The following WWOX variants were observed in gnomAD, a reference collection of about 807,000 sequenced individuals.
The protein encoded by WWOX is WW domain containing oxidoreductase.
WWOX carries 69 observed loss-of-function variants against 46.2 expected under a neutral mutation model. The observed-to-expected ratio is 1.49, with a 90% CI of 1.23 to 1.82. The LOEUF is 1.82. WWOX is among the 40% of genes most tolerant of loss of function. The pLI is 0.00. For missense variants in WWOX, 919 were observed against 542.6 expected (o/e 1.69, Z -6.89); for synonymous variants, 359 against 202.6 (o/e 1.77, Z -6.56).
chr16:79,105,745 C>T (rs2049296024), intron 8 of WWOX, among the ~76,000 whole-genome samples: 1 of 151,928 alleles, frequency 6.6e-6, no homozygotes, highest in Non-Finnish European at 1.5e-5. Context: ...TCACTGCAAC[C>T]TCCATCTCCT....
intron 8 of WWOX, among the ~76,000 whole-genome samples, chr16:79,040,820 A>G (rs1437548700): frequency 1.3e-5 from 2 of 151,872 alleles, no homozygotes; most frequent in African/African-American, 4.8e-5. Flanking sequence ...CTCGGGGAGG[A>G]GCAAGGTTGT....
At chr16:78,194,911 C>T (rs2036000651) in intron 5 of WWOX, among the ~76,000 whole-genome samples, 1 of 152,184 alleles carries the variant, frequency 6.6e-6, no homozygotes, top group Non-Finnish European at 1.5e-5. Context: ...TGTCTCCCTC[C>T]AGTAGAATGT....
At chr16:78,623,525 C>G (rs990418252) in intron 8 of WWOX, among the ~76,000 whole-genome samples, 1 of 151,878 alleles carries the variant, frequency 6.6e-6, no homozygotes, top group African/African-American at 2.4e-5. Context: ...ACTAAAAATA[C>G]AAAAATCAGC....
At chr16:79,166,090 A>G (rs923890979) in intron 8 of WWOX, among the ~76,000 whole-genome samples, 3 of 152,234 alleles carry the variant, frequency 2.0e-5, no homozygotes, top group Non-Finnish European at 4.4e-5. Context: ...TTTACCTCCC[A>G]GCGTAGTCTT....
At chr16:78,365,604 T>C (rs539090194) in intron 5 of WWOX, among the ~76,000 whole-genome samples, 14 of 152,222 alleles carry the variant, frequency 9.2e-5, no homozygotes, top group African/African-American at 3.1e-4. Context: ...TGTAATTCTT[T>C]CCACATTATG....
chr16:78,601,300 C>A (rs2045616317), intron 8 of WWOX, among the ~76,000 whole-genome samples: 1 of 152,122 alleles, frequency 6.6e-6, no homozygotes, highest in Non-Finnish European at 1.5e-5. Flanking sequence ...AAGTTGCAAA[C>A]TCTGAATTCT....
At chr16:78,459,695 A>C (rs2083905736) in intron 8 of WWOX, among the ~76,000 whole-genome samples, 1 of 152,202 alleles carries the variant, frequency 6.6e-6, no homozygotes, top group South Asian at 2.1e-4. Flanking sequence ...TTCTGGTTTA[A>C]ATGCAGTTAA....
At chr16:78,748,908 G>A (rs942181190) in intron 8 of WWOX, among the ~76,000 whole-genome samples, 2 of 152,192 alleles carry the variant, frequency 1.3e-5, no homozygotes, top group Non-Finnish European at 2.9e-5. Context: ...CCTGACACAT[G>A]GTCTCTTATT....
At chr16:78,592,291 C>A (rs979962820) in intron 8 of WWOX, among the ~76,000 whole-genome samples, 1 of 152,166 alleles carries the variant, frequency 6.6e-6, no homozygotes, top group African/African-American at 2.4e-5. Flanking sequence ...ACATATGTGT[C>A]TTCTGCCAAG....
chr16:78,579,004 C>T (rs2044977993), intron 8 of WWOX, among the ~76,000 whole-genome samples: 1 of 152,286 alleles, frequency 6.6e-6, no homozygotes, highest in East Asian at 1.9e-4. Flanking sequence ...ATTAGTATTA[C>T]ATTATACATC....
chr16:79,021,053 A>T (rs1417364884), intron 8 of WWOX, among the ~76,000 whole-genome samples: 2 of 152,188 alleles, frequency 1.3e-5, no homozygotes, highest in East Asian at 3.9e-4. Flanking sequence ...TTTCAGGGAG[A>T]GCAAGAGATG....
intron 8 of WWOX, among the ~76,000 whole-genome samples, chr16:78,879,517 AT>A (rs1243233100): frequency 6.6e-6 from 1 of 151,970 alleles, no homozygotes; most frequent in Non-Finnish European, 1.5e-5. Context: ...AAAAAAAAAA[AT>A]TTGGCCTTTG....
intron 8 of WWOX, among the ~76,000 whole-genome samples, chr16:79,143,314 C>G (rs576980772): frequency 6.6e-6 from 1 of 152,304 alleles, no homozygotes; most frequent in African/African-American, 2.4e-5. Flanking sequence ...CTGTTACCGC[C>G]TAACACATTA....
chr16:78,581,079 T>A (rs758912925), intron 8 of WWOX, among the ~76,000 whole-genome samples: 6 of 152,202 alleles, frequency 3.9e-5, no homozygotes, highest in African/African-American at 9.6e-5. Flanking sequence ...TTTTTTAATC[T>A]AAGAGCTTTC....
Position 78,277,495 on chromosome 16 carries a change from G to A in WWOX, c.517-109365G>A, listed in dbSNP as rs530138156. Reference sequence around the variant, plus strand: ...CCGACATCACAGAATTCCTTGCCTGGGACAAATAGAGGGAATATTAACATA... The same window carrying A: ...CCGACATCACAGAATTCCTTGCCTGAGACAAATAGAGGGAATATTAACATA... On this transcript the variant is annotated intron_variant, in intron 5 of 8. Transcript: ENST00000566780. Among the ~76,000 whole-genome samples, 89 of 152,144 alleles carry A rather than the reference G, an allele frequency of 5.8e-4. No homozygotes were observed. The South Asian group carries it at 0.018, about 31-fold the overall frequency.
intron 5 of WWOX, among the ~76,000 whole-genome samples, chr16:78,321,427 TA>T (rs2080479808): frequency 7.0e-6 from 1 of 143,036 alleles, no homozygotes; most frequent in African/African-American, 2.6e-5. Context: ...TGTGTATATA[TA>T]TATATAAAAA....
chr16:79,149,599 C>G (rs375706232), intron 8 of WWOX, among the ~76,000 whole-genome samples: 4 of 152,214 alleles, frequency 2.6e-5, no homozygotes, highest in African/African-American at 9.7e-5. Context: ...CATCAGCCAC[C>G]AGGGAGCTCA....
chr16:78,464,544 G>T (rs544011889), intron 8 of WWOX, among the ~76,000 whole-genome samples: 3 of 152,074 alleles, frequency 2.0e-5, no homozygotes, highest in African/African-American at 7.2e-5. Flanking sequence ...TCTTCATGAC[G>T]ATCCTTCAAG....
intron 8 of WWOX, among the ~76,000 whole-genome samples, chr16:78,957,840 G>C (rs1349045890): frequency 6.6e-5 from 10 of 152,200 alleles, no homozygotes; most frequent in Admixed American, 5.9e-4. Context: ...TGGCCCACTT[G>C]TGCCTTTGTG....
Sources: gnomAD v4.1 joint callset for allele counts (sites outside exome capture counted in the v4.1 genomes callset) on GRCh38, gnomAD v4.1.1 for gene constraint, MANE v1.5 for transcripts, NCBI Gene and HGNC (gene_info 2026-07-23, HGNC 2026-07-21) for gene names.